ATRNL1: variants seen among roughly 807,000 people sequenced by gnomAD.
The protein encoded by ATRNL1 is attractin like 1.
ATRNL1 carries 95 observed loss-of-function variants against 182.7 expected under a neutral mutation model. The observed-to-expected ratio is 0.52, with a 90% CI of 0.44 to 0.62. The LOEUF is 0.62. Ranked by LOEUF, ATRNL1 falls within the 20% of genes least tolerant of loss-of-function variation. The pLI, the probability that ATRNL1 is intolerant of heterozygous loss-of-function variation, is 0.00. For synonymous variants in ATRNL1, 576 were observed against 568.3 expected (o/e 1.01, Z -0.19); for missense variants, 1,471 against 1,679.5 (o/e 0.88, Z 2.17).
At chr10:115,552,746 C>A (rs1853070829) in intron 26 of ATRNL1, among the ~76,000 whole-genome samples, 2 of 151,096 alleles carry the variant, frequency 1.3e-5, no homozygotes, top group African/African-American at 4.8e-5. Flanking sequence ...AAAAATGAAA[C>A]TACACACAAA....
At chr10:115,738,017 A>G (rs2532708) in intron 27 of ATRNL1, among the ~76,000 whole-genome samples, 144,093 of 151,840 alleles carry the variant, frequency 0.95, 68,802 homozygotes, top group East Asian at 1. Flanking sequence ...TATAGGCCCC[A>G]TGAGCCATTT....
intron 24 of ATRNL1, among the ~76,000 whole-genome samples, chr10:115,492,018 C>A (rs1190576128): frequency 6.6e-6 from 1 of 152,168 alleles, no homozygotes; most frequent in Non-Finnish European, 1.5e-5. Context: ...CTCTTGGCTT[C>A]CCAGGTAAGG....
chr10:115,464,085 A>G (rs1336173100), intron 22 of ATRNL1, among the ~76,000 whole-genome samples: 1 of 151,936 alleles, frequency 6.6e-6, no homozygotes, highest in Non-Finnish European at 1.5e-5. Context: ...GCTTTGTTTT[A>G]CTTTCTACTA....
chr10:115,363,190 CTGACTTTTTAA>C (rs1856840285), intron 19 of ATRNL1, among the ~76,000 whole-genome samples: 1 of 150,950 alleles, frequency 6.6e-6, no homozygotes, highest in African/African-American at 2.4e-5. Context: ...CTGTTGTTTC[CTGACTTTTTAA>C]TGATCGCCAT....
chr10:115,798,858 G>T (rs1565388936), intron 27 of ATRNL1, among the ~76,000 whole-genome samples: 1 of 133,010 alleles, frequency 7.5e-6, no homozygotes, highest in African/African-American at 2.9e-5. Context: ...TCGGAGCCTC[G>T]CTCTGTTGAC....
At chr10:115,580,111 T>C (rs554925454) in intron 26 of ATRNL1, among the ~76,000 whole-genome samples, 1 of 152,186 alleles carries the variant, frequency 6.6e-6, no homozygotes, top group East Asian at 1.9e-4. Flanking sequence ...TCTTTTACCT[T>C]TTATAGCAAA....
At position 115,146,802 on chromosome 10, in the gene ATRNL1, C is replaced by CA. The variant is rs112187892; in HGVS notation, c.830-13238_830-13237insA. On this transcript the variant is annotated intron_variant, in intron 5 of 28. Coordinates refer to ENST00000355044, the MANE Select transcript of ATRNL1 (RefSeq NM_207303.4). ...TTGCTACAAATGACATGATTTCATTCTTTTTTTTTTTTTGTGGCTGACTAG... is the reference window on the plus strand; with the variant it reads ...TTGCTACAAATGACATGATTTCATTCATTTTTTTTTTTTTGTGGCTGACTAG... Among the ~76,000 whole-genome samples the CA allele has an allele frequency of 2.1e-3, 300 of 145,736 alleles. 1 individual carries two copies. Among genetic ancestry groups the CA allele is most frequent in the African/African-American group, 7.2e-3 (286 of 39,722 alleles).
At chr10:115,442,543 T>C (rs115721144) in intron 21 of ATRNL1, among the ~76,000 whole-genome samples, 397 of 152,166 alleles carry the variant, frequency 2.6e-3, no homozygotes, top group African/African-American at 9.2e-3. Flanking sequence ...ATGGTCTCTG[T>C]TGTTCCTACT....
At chr10:115,540,832 G>A (rs532438128) in intron 25 of ATRNL1, among the ~76,000 whole-genome samples, 10 of 151,590 alleles carry the variant, frequency 6.6e-5, no homozygotes, top group African/African-American at 2.2e-4. Flanking sequence ...ACCAAGTCAA[G>A]GACTATCTCT....
At chr10:115,936,481 A>T (rs1392090394) in intron 28 of ATRNL1, among the ~76,000 whole-genome samples, 2 of 152,154 alleles carry the variant, frequency 1.3e-5, no homozygotes, top group African/African-American at 4.8e-5. Context: ...ATGATTTTTT[A>T]ATTATCAAGG....
intron 7 of ATRNL1, among the ~76,000 whole-genome samples, chr10:115,168,257 T>C (rs116223077): frequency 0.019 from 2,831 of 152,264 alleles, 105 homozygotes; most frequent in African/African-American, 0.065. Context: ...TTTCCACCTT[T>C]TGGCTATTAT....
chr10:115,223,913 G>GTATA (rs782380839), intron 9 of ATRNL1, among the ~76,000 whole-genome samples: 146 of 55,884 alleles, frequency 2.6e-3, no homozygotes, highest in Middle Eastern at 0.013. Context: ...GTGTGTGTGT[G>GTATA]TATATATATA....
At chr10:115,521,008 T>C (rs1554985039) in intron 25 of ATRNL1, among the ~76,000 whole-genome samples, 1 of 152,224 alleles carries the variant, frequency 6.6e-6, no homozygotes, top group East Asian at 1.9e-4. Flanking sequence ...CTTAAATATG[T>C]TTAATATTTT....
At chr10:115,545,629 A>G (rs1278960957) in intron 25 of ATRNL1, among the ~76,000 whole-genome samples, 1 of 152,228 alleles carries the variant, frequency 6.6e-6, no homozygotes, top group Non-Finnish European at 1.5e-5. Flanking sequence ...GAGAAATTCA[A>G]CTAGTATTCC....
At chr10:115,696,546 C>T (rs1488812434) in intron 26 of ATRNL1, among the ~76,000 whole-genome samples, 3 of 152,130 alleles carry the variant, frequency 2.0e-5, no homozygotes, top group African/African-American at 7.2e-5. Flanking sequence ...ATTGCTAGAT[C>T]AAATTATATT....
chr10:115,514,362 A>G lies in ATRNL1; in HGVS notation c.3655-4901A>G, dbSNP rs145023856. On this transcript the variant is annotated intron_variant, in intron 24 of 28. Coordinates refer to ENST00000355044, the MANE Select transcript of ATRNL1 (RefSeq NM_207303.4). Reference sequence around the variant, plus strand: ...GTTTATTAATAGGTAAAGATAGATAATGTAATTATTTCAAGTTTTAGAATG... The same window carrying G: ...GTTTATTAATAGGTAAAGATAGATAGTGTAATTATTTCAAGTTTTAGAATG... 2.6e-3 allele frequency among the ~76,000 whole-genome samples: 397 copies of G among 152,070 alleles called. 1 individual carries two copies. Among genetic ancestry groups the G allele is most frequent in the African/African-American group, 9.0e-3 (372 of 41,540 alleles).
chr10:115,864,799 G>A (rs185300123), intron 28 of ATRNL1, among the ~76,000 whole-genome samples: 49 of 152,192 alleles, frequency 3.2e-4, no homozygotes, highest in African/African-American at 1.1e-3. Flanking sequence ...CGGCTAACAC[G>A]ATGAAACCCC....
At chr10:115,575,908 C>T (rs1313190068) in intron 26 of ATRNL1, among the ~76,000 whole-genome samples, 1 of 151,980 alleles carries the variant, frequency 6.6e-6, no homozygotes, top group African/African-American at 2.4e-5. Flanking sequence ...TGCTCTGCCT[C>T]TCTGCCCTTG....
intron 25 of ATRNL1, among the ~76,000 whole-genome samples, chr10:115,536,776 T>G (rs2133770931): frequency 6.6e-6 from 1 of 152,278 alleles, no homozygotes; most frequent in African/African-American, 2.4e-5. Context: ...AATAAGACAT[T>G]TAATCATGTT....
Sources: allele counts gnomAD v4.1 joint callset (sites outside exome capture counted in the v4.1 genomes callset), GRCh38; gene constraint gnomAD v4.1.1; transcripts MANE v1.5; gene names NCBI Gene and HGNC (gene_info 2026-07-23, HGNC 2026-07-21).